Variants in C17orf67 observed in about 807,000 individuals in gnomAD.
The protein encoded by C17orf67 is uncharacterized protein C17orf67.
A neutral mutation model predicts 11.2 loss-of-function variants in C17orf67; 12 were observed. The observed-to-expected ratio is 1.07, with a 90% CI of 0.68 to 1.73. The LOEUF is 1.73. Ranked by LOEUF, C17orf67 falls within the 40% of genes most tolerant of loss-of-function variation. The pLI, the probability that C17orf67 is intolerant of heterozygous loss-of-function variation, is 0.00. For synonymous variants in C17orf67, 59 were observed against 46.9 expected (o/e 1.26, Z -1.05); for missense variants, 115 against 113.5 (o/e 1.01, Z -0.06).
intron 6 of C17orf67, among the ~76,000 whole-genome samples, chr17:56,801,004 G>A (rs113494252): frequency 8.5e-5 from 13 of 152,336 alleles, no homozygotes; most frequent in Admixed American, 2.0e-4. Context: ...AGCTATGATC[G>A]TGCCACCGCA....
chr17:56,809,239 G>A (rs17760656), intron 6 of C17orf67, among the ~76,000 whole-genome samples: 18,020 of 151,666 alleles, frequency 0.12, 1,158 homozygotes, highest in South Asian at 0.16. Flanking sequence ...AACCTCTAAA[G>A]GGCCCCTGGA....
chr17:56,810,722 T>G (rs1905602744), intron 6 of C17orf67, among the ~76,000 whole-genome samples: 1 of 152,236 alleles, frequency 6.6e-6, no homozygotes, highest in Non-Finnish European at 1.5e-5. Context: ...GCAGCTCTAA[T>G]GCCAGCCTCT....
chr17:56,809,595 CT>C (rs747522217), intron 6 of C17orf67, among the ~76,000 whole-genome samples: 3 of 142,192 alleles, frequency 2.1e-5, no homozygotes, highest in Non-Finnish European at 4.6e-5. Flanking sequence ...ACACACACCC[CT>C]CACACACAAC....
chr17:56,830,360 A>G (rs1249816630), intron 2 of C17orf67, among the ~76,000 whole-genome samples: 1 of 152,180 alleles, frequency 6.6e-6, no homozygotes, highest in East Asian at 1.9e-4. Flanking sequence ...AAAAAAAAGA[A>G]AAAGAAAAAA....
intron 6 of C17orf67, among the ~76,000 whole-genome samples, chr17:56,805,145 C>T (rs543457086): frequency 1.4e-4 from 22 of 152,244 alleles, no homozygotes; most frequent in Middle Eastern, 3.4e-3. Flanking sequence ...AGCAACCTTG[C>T]GCTGCAATTG....
intron 4 of C17orf67, among the ~76,000 whole-genome samples, chr17:56,819,046 G>A (rs749405001): frequency 1.9e-4 from 29 of 152,134 alleles, no homozygotes; most frequent in Non-Finnish European, 4.0e-4. Context: ...TCACTTCCAT[G>A]CATAAGATCT....
At chr17:56,801,036 G>A (rs889505824) in intron 6 of C17orf67, among the ~76,000 whole-genome samples, 2 of 152,242 alleles carry the variant, frequency 1.3e-5, no homozygotes, top group South Asian at 4.1e-4. Context: ...GCAACAGGGT[G>A]AGGCTCAAAC....
At chr17:56,817,930 A>G (rs76901330) in intron 4 of C17orf67, among the ~76,000 whole-genome samples, 3,971 of 151,404 alleles carry the variant, frequency 0.026, 169 homozygotes, top group African/African-American at 0.091. Context: ...TACAGCCTCA[A>G]CCTCCCAGGC....
At chr17:56,806,991 G>T (rs1174906596) in intron 6 of C17orf67, among the ~76,000 whole-genome samples, 1 of 152,202 alleles carries the variant, frequency 6.6e-6, no homozygotes, top group East Asian at 1.9e-4. Context: ...TTTGTTTGGG[G>T]CTGTTAGATC....
intron 6 of C17orf67, 146 bp from the exon 7 acceptor site, chr17:56,795,326 C>T: frequency 1.4e-6 from 1 of 693,796 alleles, no homozygotes; most frequent in Non-Finnish European, 2.5e-6. Context: ...CCATGCCTCT[C>T]TGTAGGGAAG....
chr17:56,819,762 C>T lies in C17orf67; in HGVS notation c.-200-3752G>A, dbSNP rs1161759275. Among the ~76,000 whole-genome samples, 6 of 152,186 alleles carry T rather than the reference C, an allele frequency of 3.9e-5. No individual in the cohort carries two copies. In the East Asian group the frequency reaches 1.2e-3, roughly 29 times the overall value. On this transcript the variant is annotated intron_variant, in intron 4 of 7. Transcript: ENST00000397861. ...GAGAATTCTCTTCTAAACCCCATCC[C>T]GGTTCTCAGGAAAAGCCCCAGCGGG... is the stretch of plus-strand genomic sequence containing the variant.
At chr17:56,794,494 G>T (rs1005194806) in intron 7 of C17orf67, among the ~76,000 whole-genome samples, 3 of 152,080 alleles carry the variant, frequency 2.0e-5, no homozygotes, top group Non-Finnish European at 4.4e-5. Context: ...TGCAGGGTGT[G>T]GGGGGAAAGC....
rs576519169 is a variant in C17orf67, at chr17:56,798,834, A to G, written c.157-3654T>C. 7.2e-5 allele frequency among the ~76,000 whole-genome samples: 11 copies of G among 152,186 alleles called. No individual in the cohort carries two copies. The South Asian group carries it at 2.3e-3, about 32-fold the overall frequency. On this transcript the variant is annotated intron_variant, in intron 6 of 7. Coordinates refer to ENST00000397861, the MANE Select transcript of C17orf67 (RefSeq NM_001085430.4). ...CGGAGACAGTACGAGCCTTTGTCTCAAAAAAGATAAATAAACACAAATAAA... is the reference window on the plus strand; with the variant it reads ...CGGAGACAGTACGAGCCTTTGTCTCGAAAAAGATAAATAAACACAAATAAA...
chr17:56,803,199 T>G (rs1905366336), intron 6 of C17orf67, among the ~76,000 whole-genome samples: 1 of 152,238 alleles, frequency 6.6e-6, no homozygotes, highest in African/African-American at 2.4e-5. Flanking sequence ...TTGCTGGTGT[T>G]GAACTGGCTA....
intron 4 of C17orf67, among the ~76,000 whole-genome samples, chr17:56,823,401 T>C (rs536464337): frequency 6.6e-6 from 1 of 151,656 alleles, no homozygotes; most frequent in South Asian, 2.1e-4. Flanking sequence ...ACAAAAAAGA[T>C]AAAAGAAAAA....
At chr17:56,795,381 A>G in intron 6 of C17orf67, 2 of 576,850 alleles carry the variant, frequency 3.5e-6, no homozygotes, top group South Asian at 4.2e-5. Context: ...AAGAAGTCTG[A>G]CAATACTAAG....
chr17:56,815,691 T>C lies in C17orf67; in HGVS notation c.55+65A>G, dbSNP rs1032800398. 8 of 1,345,298 alleles carry C rather than the reference T, an allele frequency of 5.9e-6. No homozygotes were observed. In the African/African-American group the frequency reaches 1.0e-4, roughly 17 times the overall value. The allele number at this position is 1,345,298 out of a possible 1,614,324, so 83.3% of individuals were successfully genotyped here. On this transcript the variant is annotated intron_variant, in intron 5 of 7. Coordinates refer to ENST00000397861, the MANE Select transcript of C17orf67 (RefSeq NM_001085430.4). ...TATTATTTAAAATTAAAAAATTAAA[T>C]ATCAAATAGACTATTATTTATCATG... is the stretch of plus-strand genomic sequence containing the variant.
At position 56,833,783 on chromosome 17, in the gene C17orf67, C is replaced by A. The variant is rs1419907270; in HGVS notation, c.-1167G>T. 2.0e-5 allele frequency: 3 copies of A among 151,850 alleles called. No homozygotes were observed. The allele number at this position is 151,850 out of a possible 1,614,324, so 9.4% of individuals were successfully genotyped here. A position where few individuals can be genotyped will look rare whatever the true frequency, so the allele number is the denominator to read the frequency against. On this transcript the variant is annotated 5_prime_UTR_variant, in exon 1 of 8. Transcript: ENST00000397861. ...CGCCGAGCGGCGGGCGTGAGCGCGG[C>A]CCCTGGGCCCCGCGCGGCGCGGTGC...
At chr17:56,830,721 TTTATG>T (rs1431566031) in intron 2 of C17orf67, among the ~76,000 whole-genome samples, 4 of 152,264 alleles carry the variant, frequency 2.6e-5, no homozygotes, top group Non-Finnish European at 5.9e-5. Context: ...CCTCTGTGTC[TTTATG>T]TTGAGTCAGG....
Sources: allele counts gnomAD v4.1 joint callset (sites outside exome capture counted in the v4.1 genomes callset), GRCh38; gene constraint gnomAD v4.1.1; transcripts MANE v1.5; gene names NCBI Gene and HGNC (gene_info 2026-07-23, HGNC 2026-07-21).